The following ETS1 variants were observed in gnomAD, a reference collection of about 807,000 sequenced individuals.
The protein encoded by ETS1 is protein C-ets-1.
Under a neutral mutation model 58.6 loss-of-function variants are expected in ETS1, and 15 were observed. That is an observed-to-expected ratio of 0.26 (90% CI 0.17 to 0.39). ETS1 has a LOEUF of 0.39. Ranked by LOEUF, ETS1 falls within the 10% of genes least tolerant of loss-of-function variation. The pLI, the probability that ETS1 is intolerant of heterozygous loss-of-function variation, is 1.00. For synonymous variants in ETS1, 214 were observed against 218.2 expected (o/e 0.98, Z 0.17); for missense variants, 417 against 610.5 (o/e 0.68, Z 3.34).
intron 3 of ETS1, among the ~76,000 whole-genome samples, chr11:128,537,842 A>G (rs1165264272): frequency 2.0e-5 from 3 of 152,234 alleles, no homozygotes; most frequent in African/African-American, 7.2e-5. Flanking sequence ...TTAAAGCTAT[A>G]TATCCCAAAT....
At chr11:128,524,975 T>C (rs1004450699) in intron 3 of ETS1, among the ~76,000 whole-genome samples, 12 of 152,060 alleles carry the variant, frequency 7.9e-5, no homozygotes, top group Admixed American at 2.6e-4. Context: ...GCGTTGCCTT[T>C]CATCCACTTG....
At position 128,549,602 on chromosome 11, in the gene ETS1, T is replaced by TC. The variant is rs1391717043; in HGVS notation, c.214+6688dup. ...CTAGGATGTTCGAGAAGCTGCGAGT[T>TC]CGAGGGCGGGCCGGCGGAAGGCTTG... On this transcript the variant is annotated intron_variant, in intron 3 of 9. Coordinates refer to ENST00000392668, the MANE Select transcript of ETS1 (RefSeq NM_001143820.2). The surrounding 1 kb of genome is among the most constrained non-coding windows in gnomAD (Gnocchi z 4.3). Among the ~76,000 whole-genome samples, 1 of 152,176 alleles carries TC rather than the reference T, an allele frequency of 6.6e-6. No individual in the cohort carries two copies. The highest frequency in any genetic ancestry group is 1.5e-5 in the Non-Finnish European group (1 of 68,024).
At chr11:128,540,087 G>A (rs776437262) in intron 3 of ETS1, among the ~76,000 whole-genome samples, 2 of 152,140 alleles carry the variant, frequency 1.3e-5, no homozygotes, top group African/African-American at 2.4e-5. Context: ...CAAGGCGGGC[G>A]GATCACCTGA....
intron 3 of ETS1, among the ~76,000 whole-genome samples, chr11:128,510,563 C>G (rs554304691): frequency 3.1e-4 from 47 of 152,286 alleles, no homozygotes; most frequent in African/African-American, 1.1e-3. Context: ...TAGTGCTGAA[C>G]CCCAATTGGA....
intron 3 of ETS1, among the ~76,000 whole-genome samples, chr11:128,548,001 C>T (rs753627412): frequency 8.6e-5 from 13 of 151,770 alleles, no homozygotes; most frequent in Admixed American, 2.0e-4. Flanking sequence ...GCTATTTATG[C>T]TCTTCAGACA....
intron 3 of ETS1, among the ~76,000 whole-genome samples, chr11:128,517,335 A>G (rs1421133436): frequency 6.6e-6 from 1 of 152,234 alleles, no homozygotes; most frequent in African/African-American, 2.4e-5. Context: ...TTAGGTATAA[A>G]ATGCCTACAA....
At chr11:128,465,587 G>C (rs1862012022) in intron 8 of ETS1, among the ~76,000 whole-genome samples, 1 of 152,136 alleles carries the variant, frequency 6.6e-6, no homozygotes, top group Non-Finnish European at 1.5e-5. Context: ...CAGAGCCCTG[G>C]TCACAGAATA....
chr11:128,530,541 C>T (rs953803585), intron 3 of ETS1, among the ~76,000 whole-genome samples: 2 of 152,108 alleles, frequency 1.3e-5, no homozygotes, highest in African/African-American at 2.4e-5. Flanking sequence ...TTAATGGAAA[C>T]GTGTTTCATC....
chr11:128,558,140 A>G lies in ETS1; in HGVS notation c.70-1705T>C, dbSNP rs542389910. On this transcript the variant is annotated intron_variant, in intron 2 of 9. Transcript: ENST00000392668. ...TTTACTTTGGGGCTGTTTATCTTCCAACTGCATTAAAGGTACTGAGGATGT... is the reference window on the plus strand; with the variant it reads ...TTTACTTTGGGGCTGTTTATCTTCCGACTGCATTAAAGGTACTGAGGATGT... Among the ~76,000 whole-genome samples, 13 of 152,362 alleles carry G rather than the reference A, an allele frequency of 8.5e-5. No individual in the cohort carries two copies. In the South Asian group the frequency reaches 2.7e-3, roughly 32 times the overall value.
rs142063679 is a variant in ETS1 at position 128,467,508 on chromosome 11, TC to T, written c.1124-3882del. Among the ~76,000 whole-genome samples the T allele has an allele frequency of 9.0e-3, 1,375 of 152,180 alleles. 10 individuals are homozygous for T. The highest frequency in any genetic ancestry group is 0.015 in the Non-Finnish European group (1,046 of 68,000). ...CATCCCTTGCCCTTGCTCCAACATA[TC>T]CTAAACTTGTAAAGCCTCTTCCTCC... On this transcript the variant is annotated intron_variant, in intron 8 of 9. Coordinates refer to ENST00000392668, the MANE Select transcript of ETS1 (RefSeq NM_001143820.2).
rs139920700 is a variant in ETS1 at position 128,486,268 on chromosome 11, C to T, written c.536-122G>A. 80 of 639,734 alleles carry T rather than the reference C, an allele frequency of 1.3e-4. 2 individuals are homozygous for T. Among genetic ancestry groups the T allele is most frequent in the African/African-American group, 1.2e-3 (65 of 54,962 alleles). The allele number at this position is 639,734 out of a possible 1,614,324, so 39.6% of individuals were successfully genotyped here. On this transcript the variant is annotated intron_variant, in intron 5 of 9. Coordinates refer to ENST00000392668, the MANE Select transcript of ETS1 (RefSeq NM_001143820.2). ...CCCTTTTCTAAGAAATCTGCATACT[C>T]ATTAACTGGGTTGGTATCTGAGTCT...
At chr11:128,462,639 A>G (rs1161876001) in intron 9 of ETS1, 63 bp from the exon 10 acceptor site, 1 of 1,219,624 alleles carries the variant, frequency 8.2e-7, no homozygotes, top group East Asian at 2.3e-5. Context: ...GGCCAAATAT[A>G]TATGTTTCTA....
At chr11:128,559,032 C>T (rs1323567837) in intron 2 of ETS1, among the ~76,000 whole-genome samples, 1 of 152,226 alleles carries the variant, frequency 6.6e-6, no homozygotes, top group South Asian at 2.1e-4. Flanking sequence ...AAGTTACCCA[C>T]ATCTGTCTTC....
intron 2 of ETS1, among the ~76,000 whole-genome samples, chr11:128,560,182 G>A (rs978722134): frequency 1.3e-5 from 2 of 151,358 alleles, no homozygotes; most frequent in African/African-American, 4.9e-5. Flanking sequence ...GCGCAATCTC[G>A]GCTCACTGCA....
intron 2 of ETS1, among the ~76,000 whole-genome samples, chr11:128,564,584 T>C (rs1358884779): frequency 6.6e-6 from 1 of 152,126 alleles, no homozygotes; most frequent in Admixed American, 6.5e-5. Context: ...CAACACTCGC[T>C]GAAACAGGCT....
At chr11:128,469,433 T>C (rs1185913741) in intron 8 of ETS1, among the ~76,000 whole-genome samples, 1 of 152,172 alleles carries the variant, frequency 6.6e-6, no homozygotes, top group African/African-American at 2.4e-5. Context: ...AATCCAGAAA[T>C]GACCCATCTG....
chr11:128,511,375 G>A (rs1387695934), intron 3 of ETS1, among the ~76,000 whole-genome samples: 1 of 152,226 alleles, frequency 6.6e-6, no homozygotes, highest in Non-Finnish European at 1.5e-5. Flanking sequence ...GAAACTGCAT[G>A]TCTGTCTAGT....
At chr11:128,496,553 C>T (rs1359519157) in intron 3 of ETS1, among the ~76,000 whole-genome samples, 1 of 152,188 alleles carries the variant, frequency 6.6e-6, no homozygotes, top group Non-Finnish European at 1.5e-5. Context: ...AGAGAAATGG[C>T]TGCAGCCACA....
intron 3 of ETS1, among the ~76,000 whole-genome samples, chr11:128,502,295 C>A (rs1388190153): frequency 6.6e-6 from 1 of 152,178 alleles, no homozygotes; most frequent in Non-Finnish European, 1.5e-5. Context: ...AGCTTGCTTG[C>A]CTTCTGCTAA....
Sources: allele counts gnomAD v4.1 joint callset (sites outside exome capture counted in the v4.1 genomes callset), GRCh38; gene constraint gnomAD v4.1.1; non-coding constraint Gnocchi (gnomAD v3.1); transcripts MANE v1.5; gene names NCBI Gene and HGNC (gene_info 2026-07-23, HGNC 2026-07-21).